DDX18: variants seen among roughly 807,000 people sequenced by gnomAD.
The protein encoded by DDX18 is ATP-dependent RNA helicase DDX18.
DDX18 carries 23 observed loss-of-function variants against 73.5 expected under a neutral mutation model. That is an observed-to-expected ratio of 0.31 (90% CI 0.23 to 0.44). The LOEUF (loss-of-function observed/expected upper bound fraction) is 0.44, where lower values mean the gene tolerates loss of function less well. Among genes scored for constraint, DDX18 ranks in the 20% least tolerant of loss-of-function variants. DDX18 has a pLI of 1.00. For synonymous variants in DDX18, 268 were observed against 282.7 expected (o/e 0.95, Z 0.52); for missense variants, 753 against 792.9 (o/e 0.95, Z 0.60).
At chr2:117,828,524 T>A (rs1679971215) in intron 11 of DDX18, 1 of 155,408 alleles carries the variant, frequency 6.4e-6, no homozygotes, top group Non-Finnish European at 1.4e-5. Flanking sequence ...TGATGGCAGA[T>A]CCATCCTGTA....
Position 117,822,144 on chromosome 2 carries a change from T to A in DDX18, c.952-3T>A. 6.2e-7 allele frequency: 1 copy of A among 1,613,922 alleles called. No homozygotes were observed. The highest frequency in any genetic ancestry group is 1.3e-5 in the African/African-American group (1 of 75,048). On this transcript the variant is annotated splice_polypyrimidine_tract_variant and splice_region_variant and intron_variant, in intron 6 of 13. Transcript: ENST00000263239. Reference sequence around the variant, plus strand: ...GGTTGTTCTTTGTCCTTTGTTTTGTTAGAATACCCCAGGATTTATGTATAA... The same window carrying A: ...GGTTGTTCTTTGTCCTTTGTTTTGTAAGAATACCCCAGGATTTATGTATAA...
intron 1 of DDX18, 75 bp from the exon 2 acceptor site, chr2:117,817,369 C>A: frequency 7.3e-7 from 1 of 1,376,312 alleles, no homozygotes; most frequent in Non-Finnish European, 9.8e-7. Flanking sequence ...CATGGAAGTT[C>A]TCATTTGGGA....
In DDX18 at chr2:117,825,452, G is replaced by A; in HGVS notation, c.1374G>A (p.Lys458=). Residue 458 remains lysine (K), a synonymous_variant, in exon 10 of 14, where the codon AAG becomes AAA. Coordinates refer to ENST00000263239, the MANE Select transcript of DDX18 (RefSeq NM_006773.4). ...IDLPVLAIHG[K]QKQNKRTTTF... ...ATGTTTTTATTTAATTCTAGGGAAAGCAAAAGCAAAATAAGCGTACAACCA... is the reference window on the plus strand; with the variant it reads ...ATGTTTTTATTTAATTCTAGGGAAAACAAAAGCAAAATAAGCGTACAACCA... The A allele has an allele frequency of 6.2e-7, 1 of 1,611,548 alleles. No individual in the cohort carries two copies. The highest frequency in any genetic ancestry group is 1.1e-5 in the South Asian group (1 of 90,974).
In DDX18 at chr2:117,817,534, A is replaced by G. The variant is rs1035144339; in HGVS notation, c.176A>G (p.Lys59Arg). Residue 59 changes from lysine (K) to arginine (R), a missense_variant, in exon 2 of 14, where the codon AAG becomes AGG. This residue lies in a region of DDX18 where 345 missense variants were observed against 352.0 expected (regional missense o/e 0.98). Transcript: ENST00000263239. ...AGAAAGGTTAAAAAATCAAAACAAA[A>G]GCCCATGAATGTGGGCTTATCAGAA... ...GSRKVKKSKQ[K>R]PMNVGLSETQ... 3.1e-6 allele frequency: 5 copies of G among 1,613,932 alleles called. No homozygotes were observed. Among genetic ancestry groups the G allele is most frequent in the Admixed American group, 1.7e-5 (1 of 60,016 alleles).
intron 12 of DDX18, 84 bp downstream of exon 12, chr2:117,829,089 C>T: frequency 7.8e-7 from 1 of 1,279,612 alleles, no homozygotes; most frequent in Non-Finnish European, 1.1e-6. Context: ...CAATCACTGT[C>T]CTTTGAAGTC....
rs1679989604 is a variant in DDX18 at position 117,829,627 on chromosome 2, T to A, written c.1870+161T>A. ...TGCTTTTCTGTGCTAGCACAGGACATAGAGGTTGGATGGGGTAAGCAGGGC... is the reference window on the plus strand; with the variant it reads ...TGCTTTTCTGTGCTAGCACAGGACAAAGAGGTTGGATGGGGTAAGCAGGGC... On this transcript the variant is annotated intron_variant, in intron 13 of 13. Coordinates refer to ENST00000263239, the MANE Select transcript of DDX18 (RefSeq NM_006773.4). Among the ~76,000 whole-genome samples, 3 of 152,132 alleles carry A rather than the reference T, an allele frequency of 2.0e-5. No individual in the cohort carries two copies. In the South Asian group the frequency reaches 6.2e-4, roughly 31 times the overall value.
Position 117,831,752 on chromosome 2 carries a change from G to A in DDX18, c.*1028G>A, listed in dbSNP as rs535048320. On this transcript the variant is annotated 3_prime_UTR_variant, in exon 14 of 14. Transcript: ENST00000263239. ...GCTGTGAAGATTGAAAATGAACAAA[G>A]TTAGAAAAAAAAACAGCAAAATCAG... The A allele has an allele frequency of 6.6e-6, 1 of 152,002 alleles. No individual in the cohort carries two copies. Among genetic ancestry groups the A allele is most frequent in the East Asian group, 1.9e-4 (1 of 5,176 alleles). 9.4% of individuals were successfully genotyped at this position (152,002 alleles called of 1,614,324 possible).
chr2:117,819,790 C>A lies in DDX18; in HGVS notation c.512C>A (p.Thr171Lys). 1 of 1,574,708 alleles carries A rather than the reference C, an allele frequency of 6.4e-7. No individual in the cohort carries two copies. Among genetic ancestry groups the A allele is most frequent in the Non-Finnish European group, 8.6e-7 (1 of 1,165,850 alleles). The stretch of plus-strand genomic sequence containing the variant: ...GTGCCCAGTCTGCCCCTGGGACTGA[C>A]AGGTAACGTCCAGGAAGTTTTCTAG... ...SEVPSLPLGL[T>K]GAFEDTSFAS... Residue 171 changes from threonine to lysine, a missense_variant and splice_region_variant, in exon 3 of 14, where the codon ACA becomes AAA. By Grantham distance (78) the Thr-to-Lys change is moderately conservative. Coordinates refer to ENST00000263239, the MANE Select transcript of DDX18 (RefSeq NM_006773.4).
chr2:117,830,090 C>G (rs1679996002), intron 13 of DDX18, among the ~76,000 whole-genome samples: 2 of 152,184 alleles, frequency 1.3e-5, no homozygotes, highest in Non-Finnish European at 2.9e-5. Flanking sequence ...TCTGAGGGAA[C>G]TAGAGGACCA....
rs779379901 is a variant in DDX18 at position 117,825,536 on chromosome 2, G to T, written c.1458G>T (p.Ala486=). The T allele has an allele frequency of 1.9e-6, 3 of 1,614,038 alleles. No individual in the cohort carries two copies. Among genetic ancestry groups the T allele is most frequent in the Non-Finnish European group, 2.5e-6 (3 of 1,180,024 alleles). ...SGTLLCTDVA[A]RGLDIPEVDW... ...CACTATTGTGTACGGATGTGGCAGC[G>T]AGAGGACTAGACATTCCTGAAGTCG... is the stretch of plus-strand genomic sequence containing the variant. Residue 486 remains alanine, a synonymous_variant, in exon 10 of 14, where the codon GCG becomes GCT. Transcript: ENST00000263239.
At chr2:117,819,259 T>C (rs1471781195) in intron 2 of DDX18, among the ~76,000 whole-genome samples, 1 of 152,306 alleles carries the variant, frequency 6.6e-6, no homozygotes, top group African/African-American at 2.4e-5. Context: ...TTGCCCTTCC[T>C]TTACAGTCTA....
Position 117,832,015 on chromosome 2 carries a change from T to G in DDX18, c.*1291T>G, listed in dbSNP as rs1283763168. ...AAAGAAAAGAACAATCTTCCATTTC[T>G]GGGCTTGGCCACCATCACCCTGGTC... On this transcript the variant is annotated 3_prime_UTR_variant, in exon 14 of 14. Transcript: ENST00000263239. 2.0e-5 allele frequency: 3 copies of G among 152,360 alleles called. No homozygotes were observed. The highest frequency in any genetic ancestry group is 4.4e-5 in the Non-Finnish European group (3 of 68,044). 9.4% of individuals were successfully genotyped at this position (152,360 alleles called of 1,614,324 possible).
Position 117,829,569 on chromosome 2 carries a change from CTGG to C in DDX18, c.1870+104_1870+106del, listed in dbSNP as rs923869518. 3.1e-5 allele frequency: 34 copies of C among 1,109,374 alleles called. No homozygotes were observed. In the Admixed American group the frequency reaches 7.5e-4, roughly 25 times the overall value. 68.7% of individuals were successfully genotyped at this position (1,109,374 alleles called of 1,614,324 possible). A position where few individuals can be genotyped will look rare whatever the true frequency, so the allele number is the denominator to read the frequency against. On this transcript the variant is annotated intron_variant, in intron 13 of 13. Coordinates refer to ENST00000263239, the MANE Select transcript of DDX18 (RefSeq NM_006773.4). Reference sequence around the variant, plus strand: ...GGATTGGTATGTGTTCTGGCTCAGACTGGAGGCTCCAGTGTTCACCCTGGTCGA... The same window carrying C: ...GGATTGGTATGTGTTCTGGCTCAGACAGGCTCCAGTGTTCACCCTGGTCGA...
chr2:117,826,125 G>T, intron 10 of DDX18, 144 bp from the exon 11 acceptor site: 1 of 531,392 alleles, frequency 1.9e-6, no homozygotes, highest in African/African-American at 2.0e-5. Flanking sequence ...CCAGCTTTGT[G>T]GGGGTGTGGT....
chr2:117,822,365 C>T (rs1195025400), intron 7 of DDX18, 104 bp downstream of exon 7: 2 of 820,496 alleles, frequency 2.4e-6, no homozygotes, highest in East Asian at 5.2e-5. Context: ...TTACCATAGC[C>T]AAGTGAGGTA....
rs143106122 is a variant in DDX18, at chr2:117,819,736, A to C, written c.458A>C (p.Lys153Thr). 3.8e-4 allele frequency: 613 copies of C among 1,610,470 alleles called. 1 individual carries two copies. The highest frequency in any genetic ancestry group is 3.6e-3 in the Admixed American group (215 of 59,324). The change falls in exon 3 of 14, where the codon AAG becomes ACG. Residue 153 changes from lysine to threonine, a missense_variant. Physicochemically the swap from Lys to Thr is moderately conservative, Grantham distance 78 (BLOSUM62 -1). This residue lies in a region of DDX18 where 345 missense variants were observed against 352.0 expected (regional missense o/e 0.98). Transcript: ENST00000263239. Reference sequence around the variant, plus strand: ...AAAGAAACAGAAAATAATGTGGAGAAGCCAGATAATGATGAAGATGAGAGT... The same window carrying C: ...AAAGAAACAGAAAATAATGTGGAGACGCCAGATAATGATGAAGATGAGAGT... ...TTKETENNVE[K>T]PDNDEDESEV... is the part of the protein sequence containing the mutation.
rs766717725 is a variant in DDX18, at chr2:117,814,737, T to G, written c.-41T>G. 8 of 1,603,594 alleles carry G rather than the reference T, an allele frequency of 5.0e-6. No individual in the cohort carries two copies. The highest frequency in any genetic ancestry group is 6.8e-6 in the Non-Finnish European group (8 of 1,170,718). On this transcript the variant is annotated 5_prime_UTR_variant, in exon 1 of 14. Transcript: ENST00000263239. The stretch of plus-strand genomic sequence containing the variant: ...AACGTCAGCCTGAGAACTGAGTAGC[T>G]GTACTGTGTGGCGCCTTATTCTAGG...
chr2:117,825,224 G>A lies in DDX18; in HGVS notation c.1368+123G>A, dbSNP rs971910405. On this transcript the variant is annotated intron_variant, in intron 9 of 13. Transcript: ENST00000263239. ...CTGAGTAGTTTGATCACCACTAGAT[G>A]ATGGATCCTGTGTGGGGGAGCGCTG... is the stretch of plus-strand genomic sequence containing the variant. 8 of 1,334,934 alleles carry A rather than the reference G, an allele frequency of 6.0e-6. No individual in the cohort carries two copies. In the Admixed American group the frequency reaches 1.3e-4, roughly 22 times the overall value. The allele number at this position is 1,334,934 out of a possible 1,614,324, so 82.7% of individuals were successfully genotyped here.
intron 7 of DDX18, 145 bp downstream of exon 7, chr2:117,822,406 GA>G: frequency 3.2e-6 from 2 of 620,250 alleles, no homozygotes; most frequent in South Asian, 3.8e-5. Context: ...AGGTAATTTG[GA>G]ATACAAGCAT....
Sources: gnomAD v4.1 joint callset for allele counts (sites outside exome capture counted in the v4.1 genomes callset) on GRCh38, gnomAD v4.1.1 for gene constraint, gnomAD v4.1.1 regional missense constraint, MANE v1.5 for transcripts, NCBI Gene and HGNC (gene_info 2026-07-23, HGNC 2026-07-21) for gene names.